Variants in NLGN4X observed in about 807,000 individuals in gnomAD.
NLGN4X encodes neuroligin 4 X-linked, also known as neuroligin-4, X-linked.
In NLGN4X, 3 loss-of-function variants were observed where a neutral mutation model predicts 40.3. The ratio of observed to expected loss-of-function variants is 0.07; its 90% confidence interval spans 0.03 to 0.19. The LOEUF is 0.19. Among genes scored for constraint, NLGN4X ranks in the 10% least tolerant of loss-of-function variants. The pLI is 1.00. For synonymous variants in NLGN4X, 270 were observed against 306.8 expected (o/e 0.88, Z 1.25); for missense variants, 382 against 708.3 (o/e 0.54, Z 5.23).
chrX:6,009,489 C>T (rs2036191681), intron 3 of NLGN4X, among the ~76,000 whole-genome samples: 1 of 112,239 alleles, frequency 8.9e-6, no homozygotes, highest in African/African-American at 3.2e-5. Flanking sequence ...GATCTGAAAA[C>T]ATGATTTCTT....
At chrX:6,223,521 CT>C (rs1304214278) in intron 1 of NLGN4X, among the ~76,000 whole-genome samples, 1 of 112,257 alleles carries the variant, frequency 8.9e-6, no homozygotes, top group Admixed American at 9.4e-5. Flanking sequence ...CTATCACCTT[CT>C]TTTTTTTCTT....
At chrX:6,113,743 A>C (rs1237556534) in intron 2 of NLGN4X, among the ~76,000 whole-genome samples, 1 of 110,301 alleles carries the variant, frequency 9.1e-6, no homozygotes, top group East Asian at 2.8e-4. Context: ...GGACTTAAGG[A>C]CTGACTTATC....
At chrX:6,167,069 CAA>C (rs869227439) in intron 1 of NLGN4X, among the ~76,000 whole-genome samples, 15,434 of 58,478 alleles carry the variant, frequency 0.26, 1,554 homozygotes, top group African/African-American at 0.37. Context: ...GAAACTGTCT[CAA>C]AAAAAAAAAA....
intron 3 of NLGN4X, among the ~76,000 whole-genome samples, chrX:5,936,626 T>C (rs1007623977): frequency 1.3e-4 from 15 of 111,967 alleles, no homozygotes; most frequent in African/African-American, 4.2e-4. Flanking sequence ...TTCTGATGTA[T>C]TGGCTATGTT....
rs1017720816 is a variant in NLGN4X, at chrX:6,182,464, A to G, written c.-305-30693T>C. On this transcript the variant is annotated intron_variant, in intron 1 of 5. Coordinates refer to ENST00000381095, the MANE Select transcript of NLGN4X (RefSeq NM_181332.3). ...AAAGATGTTGCAGAGGCCAACTAAGATGACCCCTGAGATGCATCAATCATA... is the reference window on the plus strand; with the variant it reads ...AAAGATGTTGCAGAGGCCAACTAAGGTGACCCCTGAGATGCATCAATCATA... Among the ~76,000 whole-genome samples, 4 of 111,882 alleles carry G rather than the reference A, an allele frequency of 3.6e-5. No homozygotes were observed. The East Asian group carries it at 1.1e-3, about 32-fold the overall frequency.
At chrX:6,072,625 C>T (rs887639656) in intron 2 of NLGN4X, among the ~76,000 whole-genome samples, 5 of 111,745 alleles carry the variant, frequency 4.5e-5, no homozygotes, top group Non-Finnish European at 9.4e-5. Context: ...AGCACCTACT[C>T]AGCATCTGTC....
intron 2 of NLGN4X, among the ~76,000 whole-genome samples, chrX:6,142,816 T>C (rs1387505688): frequency 8.9e-6 from 1 of 112,367 alleles, no homozygotes; most frequent in East Asian, 2.8e-4. Flanking sequence ...TCAAAATCCA[T>C]TTGATAACAC....
intron 3 of NLGN4X, among the ~76,000 whole-genome samples, chrX:5,916,391 G>A (rs1334493344): frequency 1.8e-5 from 2 of 111,511 alleles, no homozygotes; most frequent in Non-Finnish European, 3.8e-5. Context: ...CACATCTAAG[G>A]TATCTCAAGA....
intron 1 of NLGN4X, among the ~76,000 whole-genome samples, chrX:6,220,715 T>A (rs12393594): frequency 0.26 from 26,639 of 101,686 alleles, 3,601 homozygotes; most frequent in Non-Finnish European, 0.36. Context: ...AGACCCATCA[T>A]AGGTAACTTT....
At chrX:6,130,585 G>GA (rs1247012156) in intron 2 of NLGN4X, among the ~76,000 whole-genome samples, 1 of 112,770 alleles carries the variant, frequency 8.9e-6, no homozygotes, top group African/African-American at 3.2e-5. Context: ...AATTGTGCAT[G>GA]AAAAATATAT....
chrX:5,896,165 G>A (rs1339504213), intron 5 of NLGN4X, among the ~76,000 whole-genome samples: 1 of 111,701 alleles, frequency 9.0e-6, no homozygotes, highest in East Asian at 2.8e-4. Context: ...TGTTCATGTT[G>A]GGTACAAGGC....
chrX:5,994,463 T>G (rs753458055), intron 3 of NLGN4X, among the ~76,000 whole-genome samples: 5 of 111,932 alleles, frequency 4.5e-5, no homozygotes, highest in Non-Finnish European at 9.4e-5. Flanking sequence ...TTTTTAACTT[T>G]CTTTTCAACA....
At chrX:6,222,444 C>T (rs949406768) in intron 1 of NLGN4X, among the ~76,000 whole-genome samples, 30 of 111,857 alleles carry the variant, frequency 2.7e-4, no homozygotes, top group African/African-American at 9.1e-4. Context: ...ATATAATATA[C>T]ATTTTAAATA....
Position 5,890,718 on chromosome X carries a change from C to T in NLGN4X, c.*2099G>A, listed in dbSNP as rs1005959879. 3 of 311,731 alleles carry T rather than the reference C, an allele frequency of 9.6e-6. No homozygotes were observed. The highest frequency in any genetic ancestry group is 6.8e-5 in the Admixed American group (2 of 29,503). 25.7% of individuals were successfully genotyped at this position (311,731 alleles called of 1,213,427 possible). Reference sequence around the variant, plus strand: ...TCTGTAGGAAAGAAATGTTGCTTCACGTGTGCTAAGTTGAGATAATAATAT... The same window carrying T: ...TCTGTAGGAAAGAAATGTTGCTTCATGTGTGCTAAGTTGAGATAATAATAT... On this transcript the variant is annotated 3_prime_UTR_variant, in exon 6 of 6. Coordinates refer to ENST00000381095, the MANE Select transcript of NLGN4X (RefSeq NM_181332.3).
At chrX:5,933,368 TA>T (rs1298778269) in intron 3 of NLGN4X, among the ~76,000 whole-genome samples, 1 of 109,402 alleles carries the variant, frequency 9.1e-6, no homozygotes, top group African/African-American at 3.5e-5. Flanking sequence ...AATATCTACT[TA>T]AATAGCACTA....
chrX:6,224,629 T>C, intron 1 of NLGN4X, among the ~76,000 whole-genome samples: 1 of 111,268 alleles, frequency 9.0e-6, no homozygotes. Flanking sequence ...ATCTACCTTA[T>C]GCAGCCACCA....
intron 1 of NLGN4X, among the ~76,000 whole-genome samples, chrX:6,178,325 C>T (rs1028429461): frequency 7.2e-5 from 8 of 111,727 alleles, no homozygotes; most frequent in African/African-American, 2.3e-4. Context: ...GTTCACCCAC[C>T]GAGCTCTGAT....
chrX:6,218,604 C>T lies in NLGN4X; in HGVS notation c.-306+9937G>A, dbSNP rs762700522. Reference sequence around the variant, plus strand: ...GTATGGTTAATATAGGAAAGATAAGCAATTTCATCTTCTTTGTACCCCACT... The same window carrying T: ...GTATGGTTAATATAGGAAAGATAAGTAATTTCATCTTCTTTGTACCCCACT... On this transcript the variant is annotated intron_variant, in intron 1 of 5. Transcript: ENST00000381095. 6.3e-5 allele frequency among the ~76,000 whole-genome samples: 7 copies of T among 111,456 alleles called. No homozygotes were observed. In the South Asian group the frequency reaches 2.6e-3, roughly 41 times the overall value.
At chrX:5,894,703 T>C (rs914743155) in intron 5 of NLGN4X, among the ~76,000 whole-genome samples, 1 of 112,394 alleles carries the variant, frequency 8.9e-6, no homozygotes, top group Non-Finnish European at 1.9e-5. Flanking sequence ...CTGACTCTTT[T>C]AGGATAACAC....
Sources: allele counts gnomAD v4.1 joint callset (sites outside exome capture counted in the v4.1 genomes callset), GRCh38; gene constraint gnomAD v4.1.1; transcripts MANE v1.5; gene names NCBI Gene and HGNC (gene_info 2026-07-23, HGNC 2026-07-21).